The following PEBP4 variants were observed in gnomAD, a reference collection of about 807,000 sequenced individuals.
PEBP4 encodes the protein phosphatidylethanolamine binding protein 4.
In PEBP4, 22 loss-of-function variants were observed where a neutral mutation model predicts 23.9. The ratio of observed to expected loss-of-function variants is 0.92; its 90% CI spans 0.66 to 1.31. PEBP4 has a LOEUF of 1.31. Ranked by LOEUF, PEBP4 falls within the 40% of genes most tolerant of loss-of-function variation. The pLI is 0.00. For synonymous variants in PEBP4, 112 were observed against 99.3 expected (o/e 1.13, Z -0.76); for missense variants, 324 against 281.7 (o/e 1.15, Z -1.07).
chr8:22,718,450 A>G (rs527390453), intron 6 of PEBP4, among the ~76,000 whole-genome samples: 1 of 152,212 alleles, frequency 6.6e-6, no homozygotes, highest in African/African-American at 2.4e-5. Flanking sequence ...TGTGTTCAAC[A>G]TTGCTTGGGA....
At position 22,865,598 on chromosome 8, in the gene PEBP4, C is replaced by CG. The variant is rs1807877494; in HGVS notation, c.259-47864dup. Among the ~76,000 whole-genome samples the CG allele has an allele frequency of 6.6e-6, 1 of 152,180 alleles. No individual in the cohort carries two copies. Among genetic ancestry groups the CG allele is most frequent in the Admixed American group, 6.5e-5 (1 of 15,290 alleles). ...AAGGAATTCCCTCCGCCCGGGCGCA[C>CG]GCGGCCCCCCGCCCCCGCCCCATCC... is the stretch of plus-strand genomic sequence containing the variant. On this transcript the variant is annotated intron_variant, in intron 3 of 6. Transcript: ENST00000256404. The surrounding 1 kb of genome is among the most constrained non-coding windows in gnomAD (Gnocchi z 6.9).
intron 4 of PEBP4, among the ~76,000 whole-genome samples, chr8:22,780,853 G>T (rs534057463): frequency 6.6e-6 from 1 of 152,196 alleles, no homozygotes; most frequent in Non-Finnish European, 1.5e-5. Context: ...GAAAGGAAAC[G>T]AGTGTGCTCC....
At chr8:22,918,616 C>T (rs951937043) in intron 3 of PEBP4, among the ~76,000 whole-genome samples, 3 of 152,174 alleles carry the variant, frequency 2.0e-5, no homozygotes, top group Admixed American at 2.0e-4. Flanking sequence ...CGGAAGGGAG[C>T]CCTTTGGGGA....
intron 4 of PEBP4, chr8:22,757,582 G>T (rs1208050613): frequency 6.6e-6 from 1 of 152,138 alleles, no homozygotes; most frequent in African/African-American, 2.4e-5. Context: ...GCCCACCCTG[G>T]GTCATCCAGC....
rs3853 is a variant in PEBP4 at position 22,713,331 on chromosome 8, G to A, written c.*39C>T. On this transcript the variant is annotated 3_prime_UTR_variant, in exon 7 of 7. Coordinates refer to ENST00000256404, the MANE Select transcript of PEBP4 (RefSeq NM_144962.3). ...TTCCATACCCACATCGTCGGTGGTG[G>A]GCAGTGTGGCCACATGCCCGGATGG... 475,075 of 1,537,160 alleles carry A rather than the reference G, an allele frequency of 0.31. 74,749 individuals are homozygous for A. Among genetic ancestry groups the A allele is most frequent in the Admixed American group, 0.42 (20,439 of 48,270 alleles).
chr8:22,734,705 G>A (rs1393433468), intron 4 of PEBP4, among the ~76,000 whole-genome samples: 1 of 152,174 alleles, frequency 6.6e-6, no homozygotes, highest in Non-Finnish European at 1.5e-5. Context: ...ACTATTGAAA[G>A]GAGGCTAGAT....
chr8:22,756,603 C>T (rs2128752455), intron 4 of PEBP4, among the ~76,000 whole-genome samples: 1 of 152,314 alleles, frequency 6.6e-6, no homozygotes, highest in South Asian at 2.1e-4. Context: ...GTCCAGCCCC[C>T]AATCTTTGCA....
chr8:22,912,548 A>T (rs967336279), intron 3 of PEBP4, among the ~76,000 whole-genome samples: 7 of 152,196 alleles, frequency 4.6e-5, no homozygotes, highest in African/African-American at 1.7e-4. Flanking sequence ...TGGTTCTCCC[A>T]CTTCCCAGGT....
chr8:22,926,857 G>A (rs1193471333), intron 2 of PEBP4, among the ~76,000 whole-genome samples: 1 of 152,146 alleles, frequency 6.6e-6, no homozygotes, highest in Non-Finnish European at 1.5e-5. Flanking sequence ...TTTCTCACAC[G>A]TGGGCTCAGT....
chr8:22,816,004 T>C (rs1460703679), intron 4 of PEBP4, among the ~76,000 whole-genome samples: 1 of 152,206 alleles, frequency 6.6e-6, no homozygotes, highest in Non-Finnish European at 1.5e-5. Context: ...GGGGTGGCTG[T>C]GAATGTGACC....
chr8:22,792,497 G>C (rs2128757158), intron 4 of PEBP4, among the ~76,000 whole-genome samples: 1 of 152,152 alleles, frequency 6.6e-6, no homozygotes, highest in South Asian at 2.1e-4. Flanking sequence ...ATGATTCCAG[G>C]TGATTTTCAA....
chr8:22,776,081 T>C lies in PEBP4; in HGVS notation c.357+41556A>G, dbSNP rs547588938. Among the ~76,000 whole-genome samples, 214 of 152,238 alleles carry C rather than the reference T, an allele frequency of 1.4e-3. 1 individual carries two copies. The highest frequency in any genetic ancestry group is 2.2e-3 in the Non-Finnish European group (148 of 67,976). On this transcript the variant is annotated intron_variant, in intron 4 of 6. Transcript: ENST00000256404. The stretch of plus-strand genomic sequence containing the variant: ...ACCTCTCCAGGGCCCTGGGGACCAC[T>C]GGGACCCTCCCCTTCTTCATCTCTG...
intron 4 of PEBP4, among the ~76,000 whole-genome samples, chr8:22,788,892 C>A (rs1806081131): frequency 2.0e-5 from 3 of 152,110 alleles, no homozygotes; most frequent in Admixed American, 2.0e-4. Flanking sequence ...GCAGATACAA[C>A]CTAATGTCCA....
At chr8:22,781,490 C>T (rs146135511) in intron 4 of PEBP4, among the ~76,000 whole-genome samples, 62 of 152,274 alleles carry the variant, frequency 4.1e-4, no homozygotes, top group African/African-American at 1.4e-3. Context: ...TCACAGCTCC[C>T]GTCTCCATCC....
chr8:22,862,891 C>T (rs1049561095), intron 3 of PEBP4, among the ~76,000 whole-genome samples: 1 of 151,612 alleles, frequency 6.6e-6, no homozygotes, highest in Admixed American at 6.6e-5. Context: ...AGCTCCGCCT[C>T]CCAGGTTCAC....
intron 4 of PEBP4, among the ~76,000 whole-genome samples, chr8:22,804,384 A>T (rs867114587): frequency 2.1e-4 from 32 of 152,186 alleles, no homozygotes; most frequent in African/African-American, 7.7e-4. Flanking sequence ...AAGTCCTCCC[A>T]CAGTCTGTGT....
At chr8:22,911,194 C>G (rs1380408531) in intron 3 of PEBP4, among the ~76,000 whole-genome samples, 1 of 152,240 alleles carries the variant, frequency 6.6e-6, no homozygotes, top group African/African-American at 2.4e-5. Context: ...AATACCTGCT[C>G]TGCCTGCCAT....
chr8:22,781,387 C>A (rs1053210653), intron 4 of PEBP4, among the ~76,000 whole-genome samples: 1 of 152,152 alleles, frequency 6.6e-6, no homozygotes, highest in African/African-American at 2.4e-5. Context: ...GGGCTCCAGG[C>A]TTTTCCCCAC....
rs564708687 is a variant in PEBP4, at chr8:22,831,025, A to C, written c.259-13290T>G. On this transcript the variant is annotated intron_variant, in intron 3 of 6. Coordinates refer to ENST00000256404, the MANE Select transcript of PEBP4 (RefSeq NM_144962.3). The stretch of plus-strand genomic sequence containing the variant: ...CTGCAACCAGCCCACTGTCCTTGTC[A>C]TCTTGTACACATTCTCCTGCACCCT... Among the ~76,000 whole-genome samples the C allele has an allele frequency of 2.0e-3, 303 of 152,246 alleles. 1 individual carries two copies. Among genetic ancestry groups the C allele is most frequent in the African/African-American group, 6.8e-3 (282 of 41,536 alleles).
Sources: gnomAD v4.1 joint callset for allele counts (sites outside exome capture counted in the v4.1 genomes callset) on GRCh38, gnomAD v4.1.1 for gene constraint, Gnocchi (gnomAD v3.1) non-coding constraint, MANE v1.5 for transcripts, NCBI Gene and HGNC (gene_info 2026-07-23, HGNC 2026-07-21) for gene names.